The following SLC35F5 variants were observed in gnomAD, a reference collection of about 807,000 sequenced individuals.
SLC35F5 encodes the protein HCV NS5A-transactivated protein 3.
Under a neutral mutation model 68.6 loss-of-function variants are expected in SLC35F5, and 54 were observed. That is an observed-to-expected ratio of 0.79 (90% CI 0.63 to 0.99). SLC35F5 has a LOEUF of 0.99. Ranked by LOEUF, SLC35F5 falls within the 50% of genes least tolerant of loss-of-function variation. The pLI is 0.00. For missense variants in SLC35F5, 567 were observed against 626.9 expected, an observed-to-expected ratio of 0.90 and a Z score of 1.02; for synonymous variants, 211 against 205.2, an observed-to-expected ratio of 1.03 and a Z score of -0.24.
chr2:113,710,548 G>A lies in SLC35F5; in HGVS notation c.*4670C>T, dbSNP rs147384528. ...AGTTCAAGAGCAGCCTGGCCAACAT[G>A]GTGAAACCCCATCTCTACTAAAAAC... On this transcript the variant is annotated 3_prime_UTR_variant, in exon 16 of 16. Coordinates refer to ENST00000245680, the MANE Select transcript of SLC35F5 (RefSeq NM_025181.5). Among the ~76,000 whole-genome samples the A allele has an allele frequency of 4.9e-3, 750 of 152,144 alleles. 8 individuals are homozygous for A. Among genetic ancestry groups the A allele is most frequent in the African/African-American group, 0.016 (667 of 41,492 alleles).
chr2:113,755,384 C>T (rs932335903), intron 2 of SLC35F5, 70 bp downstream of exon 2: 1 of 1,604,332 alleles, frequency 6.2e-7, no homozygotes, highest in African/African-American at 1.3e-5. Flanking sequence ...ATTAGTATAA[C>T]AGAAACATTT....
At position 113,708,897 on chromosome 2, in the gene SLC35F5, A is replaced by T. The variant is rs1293504139; in HGVS notation, c.*6321T>A. Among the ~76,000 whole-genome samples, 3 of 152,194 alleles carry T rather than the reference A, an allele frequency of 2.0e-5. No individual in the cohort carries two copies. The highest frequency in any genetic ancestry group is 4.4e-5 in the Non-Finnish European group (3 of 68,028). On this transcript the variant is annotated 3_prime_UTR_variant, in exon 16 of 16. Transcript: ENST00000245680. Reference sequence around the variant, plus strand: ...GTAACCAGGGGGCAACAGAGTAGGGACTAATAAGGCCAGCAACTCAGGGAA... The same window carrying T: ...GTAACCAGGGGGCAACAGAGTAGGGTCTAATAAGGCCAGCAACTCAGGGAA...
rs1489434672 is a variant in SLC35F5 at position 113,742,674 on chromosome 2, A to G, written c.750+18T>C. On this transcript the variant is annotated intron_variant, in intron 7 of 15. Coordinates refer to ENST00000245680, the MANE Select transcript of SLC35F5 (RefSeq NM_025181.5). ...CAAGTTTCAAACATCATATGCAAAC[A>G]TATCATAAAAGACCTACCACAAAGC... is the stretch of plus-strand genomic sequence containing the variant. The G allele has an allele frequency of 1.2e-6, 2 of 1,612,414 alleles. No homozygotes were observed.
intron 9 of SLC35F5, 125 bp from the exon 10 acceptor site, chr2:113,731,773 G>C: frequency 1.5e-6 from 1 of 682,848 alleles, no homozygotes; most frequent in Non-Finnish European, 2.5e-6. Context: ...AAATAATTTA[G>C]CAATTTCAAT....
At chr2:113,723,221 A>G in intron 12 of SLC35F5, 27 bp from the exon 13 acceptor site, 1 of 1,468,948 alleles carries the variant, frequency 6.8e-7, no homozygotes, top group Non-Finnish European at 9.1e-7. Context: ...ATACATTTCT[A>G]TATTTAAAAA....
At position 113,714,560 on chromosome 2, in the gene SLC35F5, T is replaced by C. The variant is rs761684021; in HGVS notation, c.*658A>G. 1.3e-5 allele frequency: 2 copies of C among 152,142 alleles called. No homozygotes were observed. The highest frequency in any genetic ancestry group is 2.4e-5 in the African/African-American group (1 of 41,464). The allele number at this position is 152,142 out of a possible 1,614,324, so 9.4% of individuals were successfully genotyped here. A position where few individuals can be genotyped will look rare whatever the true frequency, so the allele number is the denominator to read the frequency against. On this transcript the variant is annotated 3_prime_UTR_variant, in exon 16 of 16. Transcript: ENST00000245680. Reference sequence around the variant, plus strand: ...ATACTTCCCCTTTAAAAATTTGCCATGGTTTGTCACAGATTTAAAATACAA... The same window carrying C: ...ATACTTCCCCTTTAAAAATTTGCCACGGTTTGTCACAGATTTAAAATACAA...
downstream of SLC35F5, among the ~76,000 whole-genome samples, chr2:113,704,343 G>A (rs1686757507): frequency 6.6e-6 from 1 of 152,234 alleles, no homozygotes; most frequent in South Asian, 2.1e-4. Context: ...CCAGAGTCAG[G>A]AGCCCAGCCG....
intron 5 of SLC35F5, among the ~76,000 whole-genome samples, chr2:113,744,682 C>T (rs1574260304): frequency 6.6e-6 from 1 of 152,070 alleles, no homozygotes; most frequent in Non-Finnish European, 1.5e-5. Flanking sequence ...AACCAGGAGA[C>T]GGAGGTTGTG....
rs576899250 is a variant in SLC35F5 at position 113,724,510 on chromosome 2, G to C, written c.1250+868C>G. 4.6e-5 allele frequency among the ~76,000 whole-genome samples: 7 copies of C among 152,256 alleles called. No homozygotes were observed. The South Asian group carries it at 1.5e-3, about 32-fold the overall frequency. On this transcript the variant is annotated intron_variant, in intron 12 of 15. Coordinates refer to ENST00000245680, the MANE Select transcript of SLC35F5 (RefSeq NM_025181.5). ...GTAAATCTTTAAGTATTACACAAAA[G>C]AGAGTGATATGGGGGATACCAAGAA...
intron 10 of SLC35F5, among the ~76,000 whole-genome samples, chr2:113,730,150 T>C (rs1288145995): frequency 6.6e-6 from 1 of 152,226 alleles, no homozygotes; most frequent in Non-Finnish European, 1.5e-5. Context: ...CAAGAACTCC[T>C]TGAAAACTGC....
Position 113,712,579 on chromosome 2 carries a change from T to A in SLC35F5, c.*2639A>T, listed in dbSNP as rs1453747809. Among the ~76,000 whole-genome samples the A allele has an allele frequency of 1.3e-5, 2 of 151,970 alleles. No homozygotes were observed. Among genetic ancestry groups the A allele is most frequent in the Non-Finnish European group, 2.9e-5 (2 of 67,978 alleles). On this transcript the variant is annotated 3_prime_UTR_variant, in exon 16 of 16. Transcript: ENST00000245680. ...ATCCGCCCGCCTCGGCCTCCCAAAGTGCTGGGACTACAGGCGTGAGCCACC... is the reference window on the plus strand; with the variant it reads ...ATCCGCCCGCCTCGGCCTCCCAAAGAGCTGGGACTACAGGCGTGAGCCACC...
At chr2:113,705,628 G>C (rs1400492706), downstream of SLC35F5, 1 of 152,094 alleles carries the variant, frequency 6.6e-6, no homozygotes, top group Non-Finnish European at 1.5e-5. Flanking sequence ...AAATGACTAA[G>C]TGACTTTTCA....
Position 113,720,355 on chromosome 2 carries a change from A to G in SLC35F5, c.1342-1047T>C, listed in dbSNP as rs141559003. On this transcript the variant is annotated intron_variant, in intron 13 of 15. Coordinates refer to ENST00000245680, the MANE Select transcript of SLC35F5 (RefSeq NM_025181.5). ...AAAAAAAAAAAAAGGGCATGGAATCATAGGTAAGACTCCCTCTGGTGGAAA... is the reference window on the plus strand; with the variant it reads ...AAAAAAAAAAAAAGGGCATGGAATCGTAGGTAAGACTCCCTCTGGTGGAAA... Among the ~76,000 whole-genome samples, 927 of 151,576 alleles carry G rather than the reference A, an allele frequency of 6.1e-3. 15 individuals are homozygous for G. The highest frequency in any genetic ancestry group is 0.021 in the African/African-American group (880 of 41,428).
chr2:113,750,395 C>T (rs763412064), intron 4 of SLC35F5, 30 bp downstream of exon 4: 5 of 1,559,940 alleles, frequency 3.2e-6, no homozygotes, highest in Non-Finnish European at 4.3e-6. Context: ...ATACCCCCTT[C>T]CTAACAGACA....
At chr2:113,721,137 T>G (rs1421549499) in intron 13 of SLC35F5, among the ~76,000 whole-genome samples, 3 of 152,036 alleles carry the variant, frequency 2.0e-5, no homozygotes, top group Non-Finnish European at 4.4e-5. Flanking sequence ...AAGCTATATA[T>G]AAATACAGTT....
chr2:113,730,545 T>A (rs565587470), intron 10 of SLC35F5, among the ~76,000 whole-genome samples: 1 of 152,130 alleles, frequency 6.6e-6, no homozygotes, highest in Admixed American at 6.5e-5. Context: ...TTAGAAAGCA[T>A]TGTTCTATTC....
chr2:113,703,589 G>C (rs1014081627), downstream of SLC35F5: 1 of 152,094 alleles, frequency 6.6e-6, no homozygotes, highest in African/African-American at 2.4e-5. Context: ...GAGACATTTT[G>C]GCAGTAATTG....
At chr2:113,749,956 T>C (rs533507820) in intron 4 of SLC35F5, among the ~76,000 whole-genome samples, 1 of 152,134 alleles carries the variant, frequency 6.6e-6, no homozygotes, top group Non-Finnish European at 1.5e-5. Flanking sequence ...GCATATTATA[T>C]TATATTACAT....
chr2:113,740,231 G>A (rs1264993410), intron 7 of SLC35F5, among the ~76,000 whole-genome samples: 1 of 152,172 alleles, frequency 6.6e-6, no homozygotes, highest in African/African-American at 2.4e-5. Flanking sequence ...GGAACGTGAT[G>A]ATTGTATCAG....
Sources: gnomAD v4.1 joint callset for allele counts (sites outside exome capture counted in the v4.1 genomes callset) on GRCh38, gnomAD v4.1.1 for gene constraint, MANE v1.5 for transcripts, NCBI Gene and HGNC (gene_info 2026-07-23, HGNC 2026-07-21) for gene names.